FBF1: variants seen among roughly 807,000 people sequenced by gnomAD.
The protein encoded by FBF1 is fas-binding factor 1.
A neutral mutation model predicts 147.2 loss-of-function variants in FBF1; 119 were observed. The observed-to-expected ratio is 0.81, with a 90% CI of 0.70 to 0.94. The LOEUF (loss-of-function observed/expected upper bound fraction) is 0.94. Among genes scored for constraint, FBF1 ranks in the 40% least tolerant of loss-of-function variants. The probability of loss-of-function intolerance (pLI) is 0.00; values close to 1 mark genes in which losing one functional copy is unlikely to be tolerated. For missense variants in FBF1, 1,449 were observed against 1,500.8 expected, an observed-to-expected ratio of 0.97 and a Z score of 0.57; for synonymous variants, 601 against 609.0, an observed-to-expected ratio of 0.99 and a Z score of 0.19.
Position 75,923,329 on chromosome 17 carries a change from C to T in FBF1, c.1281G>A (p.Leu427=). ...SPAKASQASK[L]RASKEEKEDW... ...CCTCTTTCTCCTCCTTGGAGGCTCG[C>T]AGCTTGGAAGCCTGGCTGGCTTTGG... The change falls in exon 14 of 30, where the codon CTG becomes CTA. Residue 427 remains leucine, a synonymous_variant. Transcript: ENST00000636174. This position sits in a 1 kb window ranked among gnomAD's most constrained non-coding sequence, Gnocchi z 4.1. The T allele has an allele frequency of 1.2e-6, 2 of 1,601,140 alleles. No homozygotes were observed. Among genetic ancestry groups the T allele is most frequent in the East Asian group, 2.2e-5 (1 of 44,446 alleles).
chr17:75,935,436 G>A (rs2065618441), intron 4 of FBF1, among the ~76,000 whole-genome samples, 196 bp downstream of exon 4: 1 of 152,064 alleles, frequency 6.6e-6, no homozygotes. Flanking sequence ...CAGAGTGCTG[G>A]GATTACAGGC....
Position 75,915,347 on chromosome 17 carries a change from G to A in FBF1, c.2506-208C>T, listed in dbSNP as rs754321868. Among the ~76,000 whole-genome samples the A allele has an allele frequency of 6.6e-5, 10 of 152,204 alleles. 1 individual carries two copies. The highest frequency in any genetic ancestry group is 3.3e-4 in the Admixed American group (5 of 15,282). The stretch of plus-strand genomic sequence containing the variant: ...TCTGCCCAAGAGAAGGACCCAGCAG[G>A]TGCCCTCCCAACCCTCAGGTCTCCA... On this transcript the variant is annotated intron_variant, in intron 23 of 29. Transcript: ENST00000636174.
At position 75,922,172 on chromosome 17, in the gene FBF1, C is replaced by G; in HGVS notation, c.1425-126G>C. 1 of 725,596 alleles carries G rather than the reference C, an allele frequency of 1.4e-6. No homozygotes were observed. Among genetic ancestry groups the G allele is most frequent in the African/African-American group, 1.8e-5 (1 of 56,646 alleles). 44.9% of individuals were successfully genotyped at this position (725,596 alleles called of 1,614,324 possible). ...CCCCTTCCTCCTGCTTCCACCATCC[C>G]GTCTTGGGGCATTCTCCTCCCACGT... On this transcript the variant is annotated intron_variant, in intron 14 of 29. Coordinates refer to ENST00000636174, the MANE Select transcript of FBF1 (RefSeq NM_001319193.2). The surrounding 1 kb of genome is among the most constrained non-coding windows in gnomAD (Gnocchi z 5.0).
intron 4 of FBF1, among the ~76,000 whole-genome samples, chr17:75,935,000 G>A (rs563110081): frequency 6.6e-6 from 1 of 152,214 alleles, no homozygotes; most frequent in African/African-American, 2.4e-5. Flanking sequence ...GTTGGAGGGA[G>A]GAGAGAATGA....
Position 75,910,021 on chromosome 17 carries a change from C to T in FBF1, c.*702G>A, listed in dbSNP as rs781129650. 1 of 669,862 alleles carries T rather than the reference C, an allele frequency of 1.5e-6. No homozygotes were observed. The highest frequency in any genetic ancestry group is 1.5e-5 in the South Asian group (1 of 66,428). 41.5% of individuals were successfully genotyped at this position (669,862 alleles called of 1,614,324 possible). On this transcript the variant is annotated 3_prime_UTR_variant, in exon 30 of 30. Transcript: ENST00000636174. This position sits in a 1 kb window ranked among gnomAD's most constrained non-coding sequence, Gnocchi z 4.1. ...GCTTCCCTCCTCGTCCCTCCCCACA[C>T]CCCACCATCGCCACAGCTCCCTCCG... is the stretch of plus-strand genomic sequence containing the variant.
intron 4 of FBF1, 121 bp from the exon 5 acceptor site, chr17:75,933,209 A>C (rs1197336397): frequency 4.5e-6 from 3 of 666,812 alleles, no homozygotes; most frequent in Non-Finnish European, 7.5e-6. Flanking sequence ...ATCTGGCCAA[A>C]TAGGCAGGTC....
chr17:75,927,616 G>A (rs2065570367), intron 8 of FBF1, 84 bp from the exon 9 acceptor site: 2 of 1,226,340 alleles, frequency 1.6e-6, no homozygotes, highest in African/African-American at 1.5e-5. Flanking sequence ...GGGGCCCCTG[G>A]GATGGGGTGC....
chr17:75,933,750 A>C (rs2065607893), intron 4 of FBF1, among the ~76,000 whole-genome samples: 1 of 152,206 alleles, frequency 6.6e-6, no homozygotes, highest in Non-Finnish European at 1.5e-5. Context: ...AAAAGGGGCA[A>C]AGGATCTGAA....
chr17:75,936,951 T>C (rs758690140), intron 3 of FBF1, among the ~76,000 whole-genome samples: 4 of 152,120 alleles, frequency 2.6e-5, no homozygotes, highest in Non-Finnish European at 5.9e-5. Context: ...TGGAGGCATG[T>C]GGGGGAACCT....
intron 4 of FBF1, 128 bp downstream of exon 4, chr17:75,935,504 G>T: frequency 1.1e-6 from 1 of 932,820 alleles, no homozygotes; most frequent in South Asian, 1.7e-5. Context: ...TGTAATCCCA[G>T]CACTTTGGTT....
chr17:75,920,443 A>G lies in FBF1; in HGVS notation c.1675-14T>C. The G allele has an allele frequency of 1.9e-6, 3 of 1,597,600 alleles. No individual in the cohort carries two copies. In the East Asian group the frequency reaches 6.8e-5, roughly 36 times the overall value. The stretch of plus-strand genomic sequence containing the variant: ...TGGGAGCAGGGGCTGGAGGAGAGGA[A>G]GAGAGGTGTTTCTAGTTAGGGAGGG... On this transcript the variant is annotated splice_polypyrimidine_tract_variant and intron_variant, in intron 17 of 29. Transcript: ENST00000636174.
intron 23 of FBF1, 79 bp from the exon 24 acceptor site, chr17:75,915,218 G>A: frequency 1.3e-6 from 2 of 1,509,288 alleles, no homozygotes; most frequent in Non-Finnish European, 1.8e-6. Flanking sequence ...GAAGCTGCAT[G>A]AACCCACCAG....
intron 1 of FBF1, among the ~76,000 whole-genome samples, chr17:75,939,597 T>C (rs2065647772): frequency 6.6e-6 from 1 of 152,170 alleles, no homozygotes; most frequent in African/African-American, 2.4e-5. Context: ...GGTCTCACTG[T>C]GTTACTCAGG....
chr17:75,923,358 G>A lies in FBF1; in HGVS notation c.1252C>T (p.Pro418Ser). ...TTGGAAGCCTGGCTGGCTTTGGCAG[G>A]GGACCCTGCACCTTCAGTTGGTGGC... ...AKPPTEGAGS[P>S]AKASQASKLR... The change falls in exon 14 of 30, where the codon CCT becomes TCT. Residue 418 changes from proline (P) to serine (S), a missense_variant. Pro to Ser is a moderately conservative substitution (Grantham distance 74). Coordinates refer to ENST00000636174, the MANE Select transcript of FBF1 (RefSeq NM_001319193.2). The surrounding 1 kb of genome is among the most constrained non-coding windows in gnomAD (Gnocchi z 4.1). The A allele has an allele frequency of 6.2e-7, 1 of 1,605,178 alleles. No individual in the cohort carries two copies. Among genetic ancestry groups the A allele is most frequent in the Non-Finnish European group, 8.5e-7 (1 of 1,176,378 alleles).
At position 75,918,455 on chromosome 17, in the gene FBF1, G is replaced by A. The variant is rs541934733; in HGVS notation, c.2139-186C>T. 6.6e-6 allele frequency among the ~76,000 whole-genome samples: 1 copy of A among 152,214 alleles called. No individual in the cohort carries two copies. The highest frequency in any genetic ancestry group is 1.5e-5 in the Non-Finnish European group (1 of 68,040). ...GGTGCCTCAATGCTACACGCACTAA[G>A]ATGGGCATTCCTCCCATTATTCAGC... On this transcript the variant is annotated intron_variant, in intron 20 of 29. Transcript: ENST00000636174. The surrounding 1 kb of genome is among the most constrained non-coding windows in gnomAD (Gnocchi z 5.8).
In FBF1 at chr17:75,938,284, G is replaced by T; in HGVS notation, c.-83-52C>A. The T allele has an allele frequency of 3.0e-6, 4 of 1,341,236 alleles. No homozygotes were observed. The South Asian group carries it at 3.8e-5, about 13-fold the overall frequency. 83.1% of individuals were successfully genotyped at this position (1,341,236 alleles called of 1,614,324 possible). On this transcript the variant is annotated intron_variant, in intron 1 of 29. Coordinates refer to ENST00000636174, the MANE Select transcript of FBF1 (RefSeq NM_001319193.2). ...TTAAAAATGATGTAGCTTTGGCTGG[G>T]CGCCATGGCTCACGCCTGTTAATCC... is the stretch of plus-strand genomic sequence containing the variant.
intron 5 of FBF1, 115 bp downstream of exon 5, chr17:75,932,878 TAA>T (rs748502194): frequency 0.048 from 20,263 of 423,770 alleles, no homozygotes; most frequent in South Asian, 0.06. Flanking sequence ...AAATATTCTC[TAA>T]AAAAAAAAAA....
chr17:75,935,001 G>A (rs1169280905), intron 4 of FBF1, among the ~76,000 whole-genome samples: 1 of 152,078 alleles, frequency 6.6e-6, no homozygotes, highest in Non-Finnish European at 1.5e-5. Flanking sequence ...TTGGAGGGAG[G>A]AGAGAATGAA....
rs1567861266 is a variant in FBF1 at position 75,923,791 on chromosome 17, C to A, written c.969-150G>T. On this transcript the variant is annotated intron_variant, in intron 13 of 29. Transcript: ENST00000636174. This position sits in a 1 kb window ranked among gnomAD's most constrained non-coding sequence, Gnocchi z 4.1. The stretch of plus-strand genomic sequence containing the variant: ...GTGGCTCCTGGACCGGCTCAGGTGG[C>A]AGGCCACGTGCTGTCTGTAGAACAC... 7.0e-6 allele frequency: 5 copies of A among 716,006 alleles called. No homozygotes were observed. 44.4% of individuals were successfully genotyped at this position (716,006 alleles called of 1,614,324 possible). A position where few individuals can be genotyped will look rare whatever the true frequency, so the allele number is the denominator to read the frequency against.
Sources: gnomAD v4.1 joint callset for allele counts (sites outside exome capture counted in the v4.1 genomes callset) on GRCh38, gnomAD v4.1.1 for gene constraint, Gnocchi (gnomAD v3.1) non-coding constraint, MANE v1.5 for transcripts, NCBI Gene and HGNC (gene_info 2026-07-23, HGNC 2026-07-21) for gene names.